The following TEX36 variants were observed in gnomAD, a reference collection of about 807,000 sequenced individuals.
TEX36 encodes testis expressed 36, also known as testis-expressed protein 36.
In TEX36, 12 loss-of-function variants were observed where a neutral mutation model predicts 13.6. The ratio of observed to expected loss-of-function variants is 0.88; its 90% CI spans 0.56 to 1.43. The LOEUF is 1.43. Ranked by LOEUF, TEX36 falls within the 40% of genes most tolerant of loss-of-function variation. The probability of loss-of-function intolerance (pLI) is 0.00; values close to 1 mark genes in which losing one functional copy is unlikely to be tolerated. For missense variants in TEX36, 224 were observed against 228.3 expected (o/e 0.98, Z 0.12); for synonymous variants, 93 against 83.0 (o/e 1.12, Z -0.65).
At chr10:125,597,924 T>G (rs1038600032) in intron 3 of TEX36, among the ~76,000 whole-genome samples, 1 of 152,228 alleles carries the variant, frequency 6.6e-6, no homozygotes, top group Non-Finnish European at 1.5e-5. Context: ...TGGGTGGCTA[T>G]TGTTGAAGTT....
At chr10:125,586,633 TCCAAAAAA>T (rs1439917070) in intron 3 of TEX36, among the ~76,000 whole-genome samples, 3 of 77,444 alleles carry the variant, frequency 3.9e-5, no homozygotes, top group African/African-American at 1.1e-4. Context: ...CTACTAAAAA[TCCAAAAAA>T]AAAAAAAAAA....
At position 125,661,613 on chromosome 10, in the gene TEX36, G is replaced by C. The variant is rs111451019; in HGVS notation, c.183+233C>G. Among the ~76,000 whole-genome samples the C allele has an allele frequency of 1.1e-4, 16 of 152,286 alleles. No homozygotes were observed. In the East Asian group the frequency reaches 2.7e-3, roughly 26 times the overall value. Reference sequence around the variant, plus strand: ...ATGTTAATGAGCTGTGGGCTGGAAGGGGGTGTTGCTTCTTGTTCGTGGAGG... The same window carrying C: ...ATGTTAATGAGCTGTGGGCTGGAAGCGGGTGTTGCTTCTTGTTCGTGGAGG... On this transcript the variant is annotated intron_variant, in intron 2 of 3. Coordinates refer to ENST00000368821, the MANE Select transcript of TEX36 (RefSeq NM_001128202.3).
rs75497892 is a variant in TEX36 at position 125,676,649 on chromosome 10, T to C, written c.51+6290A>G. 7.9e-5 allele frequency among the ~76,000 whole-genome samples: 12 copies of C among 152,320 alleles called. No homozygotes were observed. The East Asian group carries it at 2.3e-3, about 29-fold the overall frequency. On this transcript the variant is annotated intron_variant, in intron 1 of 3. Coordinates refer to ENST00000368821, the MANE Select transcript of TEX36 (RefSeq NM_001128202.3). ...TTATTGATATGTGAGGCTTTGTTCC[T>C]ATCATGTTATTAAATTGTTTTCTTG...
intron 3 of TEX36, among the ~76,000 whole-genome samples, chr10:125,628,901 C>T (rs937001012): frequency 2.0e-5 from 3 of 152,114 alleles, no homozygotes; most frequent in Admixed American, 1.3e-4. Context: ...ACGCATGTGC[C>T]GGGCATGGAG....
At chr10:125,658,313 T>C (rs1259026111) in intron 3 of TEX36, among the ~76,000 whole-genome samples, 1 of 152,038 alleles carries the variant, frequency 6.6e-6, no homozygotes, top group African/African-American at 2.4e-5. Context: ...AAGGCATTAA[T>C]GCATATAAAG....
chr10:125,602,997 C>A (rs1445532765), intron 3 of TEX36, among the ~76,000 whole-genome samples: 1 of 152,182 alleles, frequency 6.6e-6, no homozygotes, highest in Non-Finnish European at 1.5e-5. Context: ...AAGGTTCCAC[C>A]CAGCTGGACC....
chr10:125,636,629 G>A (rs1053873313), intron 3 of TEX36, among the ~76,000 whole-genome samples: 3 of 152,126 alleles, frequency 2.0e-5, no homozygotes, highest in African/African-American at 7.2e-5. Flanking sequence ...CTAAACCCGT[G>A]TTCCAGTTCT....
intron 2 of TEX36, 67 bp from the exon 3 acceptor site, chr10:125,661,168 G>T: frequency 1.5e-6 from 2 of 1,314,102 alleles, no homozygotes; most frequent in South Asian, 1.3e-5. Flanking sequence ...AACTGGGATC[G>T]GGTGATGTGG....
chr10:125,589,409 G>T (rs922080057), intron 3 of TEX36, among the ~76,000 whole-genome samples: 5 of 152,256 alleles, frequency 3.3e-5, no homozygotes, highest in Admixed American at 2.6e-4. Flanking sequence ...GGTGATAGTG[G>T]CCACCCTTGT....
At chr10:125,654,822 G>T (rs1043810769), downstream of TEX36, among the ~76,000 whole-genome samples, 9 of 152,142 alleles carry the variant, frequency 5.9e-5, no homozygotes, top group African/African-American at 2.2e-4. Context: ...GTTGGTAGGA[G>T]TTCAATTGGT....
intron 3 of TEX36, among the ~76,000 whole-genome samples, chr10:125,605,803 T>C (rs1050186421): frequency 6.6e-6 from 1 of 152,044 alleles, no homozygotes; most frequent in African/African-American, 2.4e-5. Flanking sequence ...GGTTTCACCA[T>C]GTTGGCCAGG....
Position 125,661,021 on chromosome 10 carries a change from G to A in TEX36, c.264C>T (p.Ser88=), listed in dbSNP as rs1847027471. 1 of 1,550,214 alleles carries A rather than the reference G, an allele frequency of 6.5e-7. No homozygotes were observed. Among genetic ancestry groups the A allele is most frequent in the African/African-American group, 1.4e-5 (1 of 73,004 alleles). The change falls in exon 3 of 4, where the codon TCC becomes TCT. Residue 88 remains serine (S), a splice_region_variant and synonymous_variant. Coordinates refer to ENST00000368821, the MANE Select transcript of TEX36 (RefSeq NM_001128202.3). ...TAATAATTTGGAAAGAAATACTCACGGAGTCAAGGTAGCATCCAGAGTTCT... is the reference window on the plus strand; with the variant it reads ...TAATAATTTGGAAAGAAATACTCACAGAGTCAAGGTAGCATCCAGAGTTCT... ...SLENSGCYLD[S]GLGRKKISPD... is the part of the protein sequence containing the mutation.
chr10:125,628,945 C>T (rs1006146560), intron 3 of TEX36, among the ~76,000 whole-genome samples: 2 of 152,280 alleles, frequency 1.3e-5, no homozygotes, highest in East Asian at 3.9e-4. Flanking sequence ...TTATCTATTC[C>T]TCACAACATC....
intron 3 of TEX36, among the ~76,000 whole-genome samples, chr10:125,657,039 G>A (rs1009147182): frequency 1.3e-5 from 2 of 151,816 alleles, no homozygotes; most frequent in Non-Finnish European, 2.9e-5. Context: ...CCTTACGTGC[G>A]AACCTGATAA....
chr10:125,672,367 C>A (rs754831743), intron 1 of TEX36, among the ~76,000 whole-genome samples: 5 of 152,172 alleles, frequency 3.3e-5, no homozygotes, highest in Admixed American at 6.5e-5. Context: ...TACTTGATTT[C>A]TGCCTTAATT....
At chr10:125,654,903 A>G (rs78853387), downstream of TEX36, among the ~76,000 whole-genome samples, 6,790 of 152,290 alleles carry the variant, frequency 0.045, 236 homozygotes, top group South Asian at 0.18. Context: ...GCACTAACAA[A>G]GCAACTTTTC....
intron 3 of TEX36, among the ~76,000 whole-genome samples, chr10:125,649,669 G>A (rs921932291): frequency 4.6e-5 from 7 of 152,144 alleles, no homozygotes; most frequent in African/African-American, 1.7e-4. Context: ...ATGTAAATGG[G>A]CTAAATGCTC....
chr10:125,654,395 G>A (rs1055058265), downstream of TEX36, among the ~76,000 whole-genome samples: 1 of 152,146 alleles, frequency 6.6e-6, no homozygotes, highest in African/African-American at 2.4e-5. Flanking sequence ...AGACCCATGT[G>A]AGGAAAATTA....
At chr10:125,651,320 T>A (rs1450445835), downstream of TEX36, among the ~76,000 whole-genome samples, 2 of 152,212 alleles carry the variant, frequency 1.3e-5, no homozygotes, top group Admixed American at 1.3e-4. Context: ...GCTTCATCCC[T>A]GGGATGCAAG....
Sources: gnomAD v4.1 joint callset for allele counts (sites outside exome capture counted in the v4.1 genomes callset) on GRCh38, gnomAD v4.1.1 for gene constraint, MANE v1.5 for transcripts, NCBI Gene and HGNC (gene_info 2026-07-23, HGNC 2026-07-21) for gene names.